Variants in DNASE1 observed in about 807,000 individuals in gnomAD.
The protein encoded by DNASE1 is deoxyribonuclease 1.
In DNASE1, 40 loss-of-function variants were observed where a neutral mutation model predicts 33.9. That is an observed-to-expected ratio of 1.18 (90% CI 0.92 to 1.54). DNASE1 has a LOEUF of 1.54. Among genes scored for constraint, DNASE1 ranks in the 40% most tolerant of loss-of-function variants. The pLI is 0.00. For missense variants in DNASE1, 518 were observed against 372.6 expected (o/e 1.39, Z -3.21); for synonymous variants, 216 against 160.0 (o/e 1.35, Z -2.64).
intron 1 of DNASE1, among the ~76,000 whole-genome samples, chr16:3,631,985 A>G (rs1030605854): frequency 6.6e-6 from 1 of 152,220 alleles, no homozygotes; most frequent in Non-Finnish European, 1.5e-5. Flanking sequence ...TAATTTCAGT[A>G]ACATGCAAAA....
Position 3,655,740 on chromosome 16 carries a change from C to T in DNASE1, c.148-109C>T, listed in dbSNP as rs767820873. 5.5e-5 allele frequency: 81 copies of T among 1,459,868 alleles called. 1 individual carries two copies. Among genetic ancestry groups the T allele is most frequent in the East Asian group, 4.5e-4 (20 of 44,000 alleles). The allele number at this position is 1,459,868 out of a possible 1,614,324, so 90.4% of individuals were successfully genotyped here. ...GAGCCCAGGCAGAAACATGAGGCTG[C>T]GGTTAAACCGAGCAATGCCACGAGC... On this transcript the variant is annotated intron_variant, in intron 2 of 8. Transcript: ENST00000246949.
rs758431188 is a variant in DNASE1, at chr16:3,656,108, A to T, written c.243A>T (p.Ala81=). The change falls in exon 4 of 9, where the codon GCA becomes GCT. Residue 81 remains alanine (A), a synonymous_variant. Transcript: ENST00000246949. Reference sequence around the variant, plus strand: ...TTTTGTTTCTTCAATCCAGGGATGCACCAGACACCTATCACTACGTGGTCA... The same window carrying T: ...TTTTGTTTCTTCAATCCAGGGATGCTCCAGACACCTATCACTACGTGGTCA... ...GKLLDNLNQD[A]PDTYHYVVSE... 1 of 1,614,062 alleles carries T rather than the reference A, an allele frequency of 6.2e-7. No individual in the cohort carries two copies. The highest frequency in any genetic ancestry group is 1.7e-5 in the Admixed American group (1 of 60,022).
intron 1 of DNASE1, among the ~76,000 whole-genome samples, chr16:3,619,576 T>G (rs2041232279): frequency 6.8e-6 from 1 of 147,160 alleles, no homozygotes; most frequent in Non-Finnish European, 1.5e-5. Flanking sequence ...TTAGCCAGGA[T>G]GGTCTCTATC....
chr16:3,624,983 A>G (rs1325929068), intron 1 of DNASE1, among the ~76,000 whole-genome samples: 3 of 152,236 alleles, frequency 2.0e-5, no homozygotes, highest in East Asian at 3.9e-4. Flanking sequence ...GGTGTGAGCC[A>G]TCATGCCCAG....
intron 1 of DNASE1, among the ~76,000 whole-genome samples, chr16:3,621,823 T>G (rs2041324459): frequency 6.6e-6 from 1 of 152,238 alleles, no homozygotes; most frequent in Non-Finnish European, 1.5e-5. Context: ...TATGCAGATT[T>G]GCACATATAT....
upstream of DNASE1, chr16:3,654,360 C>G (rs1489158573): frequency 2.5e-6 from 1 of 398,698 alleles, no homozygotes; most frequent in South Asian, 1.3e-4. Context: ...TCCGAGCTCC[C>G]CAGCCTCCTG....
At chr16:3,656,280 A>G (rs2042612834) in intron 4 of DNASE1, 95 bp downstream of exon 4, 1 of 1,344,114 alleles carries the variant, frequency 7.4e-7, no homozygotes, top group Non-Finnish European at 1.1e-6. Flanking sequence ...GTCCTATGGC[A>G]AGAACCTGAG....
intron 1 of DNASE1, among the ~76,000 whole-genome samples, chr16:3,629,739 T>C (rs1484440428): frequency 1.3e-5 from 2 of 152,226 alleles, no homozygotes. Context: ...TTTTGATTAC[T>C]GATTAAATCT....
At chr16:3,612,858 A>C (rs1035978595) in intron 1 of DNASE1, among the ~76,000 whole-genome samples, 1 of 152,172 alleles carries the variant, frequency 6.6e-6, no homozygotes, top group Non-Finnish European at 1.5e-5. Flanking sequence ...GAGCATAGTC[A>C]AGACGCAGTT....
intron 1 of DNASE1, 136 bp from the exon 2 acceptor site, chr16:3,655,237 A>G: frequency 1.6e-6 from 2 of 1,237,472 alleles, no homozygotes; most frequent in South Asian, 2.8e-5. Flanking sequence ...ACGTTGTAGG[A>G]AAGGGTTTCC....
chr16:3,624,008 G>T (rs984376992), intron 1 of DNASE1, among the ~76,000 whole-genome samples: 8 of 152,254 alleles, frequency 5.3e-5, no homozygotes, highest in African/African-American at 1.9e-4. Context: ...TGGAGGCCAG[G>T]TGCGGTGGCT....
chr16:3,654,329 C>A, upstream of DNASE1: 1 of 398,776 alleles, frequency 2.5e-6, no homozygotes. Flanking sequence ...GCTGGTGCTG[C>A]AGGCCCCCAC....
rs765352781 is a variant in DNASE1 at position 3,656,737 on chromosome 16, C to G, written c.420C>G (p.Phe140Leu). ...ACCGAGAGCCAGCCATTGTCAGGTT[C>G]TTCTCCCGGTTCACAGGTGGGTGCT... ...TFNREPAIVRFFSRFTEVREF... is the reference protein window; with the variant it reads ...TFNREPAIVRLFSRFTEVREF... The change falls in exon 5 of 9, where the codon TTC becomes TTG. Residue 140 changes from phenylalanine (F) to leucine (L), a missense_variant. Physicochemically the swap from Phe to Leu is conservative, Grantham distance 22. Coordinates refer to ENST00000246949, the MANE Select transcript of DNASE1 (RefSeq NM_005223.4). 10 of 1,610,058 alleles carry G rather than the reference C, an allele frequency of 6.2e-6. No homozygotes were observed. Among genetic ancestry groups the G allele is most frequent in the African/African-American group, 5.3e-5 (4 of 74,770 alleles).
chr16:3,657,276 C>T lies in DNASE1; in HGVS notation c.639C>T (p.Thr213=), dbSNP rs947363645. 15 of 1,613,930 alleles carry T rather than the reference C, an allele frequency of 9.3e-6. No homozygotes were observed. The highest frequency in any genetic ancestry group is 1.2e-5 in the Non-Finnish European group (14 of 1,180,036). Residue 213 remains threonine, a synonymous_variant, in exon 7 of 9, where the codon ACC becomes ACT. Coordinates refer to ENST00000246949, the MANE Select transcript of DNASE1 (RefSeq NM_005223.4). Reference sequence around the variant, plus strand: ...CCATCCGCCTGTGGACAAGCCCCACCTTCCAGTGGCTGATCCCCGACAGCG... The same window carrying T: ...CCATCCGCCTGTGGACAAGCCCCACTTTCCAGTGGCTGATCCCCGACAGCG... ...WSSIRLWTSP[T]FQWLIPDSAD...
chr16:3,612,393 G>T (rs1057349482), intron 1 of DNASE1, among the ~76,000 whole-genome samples: 1 of 152,014 alleles, frequency 6.6e-6, no homozygotes, highest in African/African-American at 2.4e-5. Context: ...TGGGATTACA[G>T]GCGCCAGTCA....
At chr16:3,622,854 C>T (rs921895201) in intron 1 of DNASE1, among the ~76,000 whole-genome samples, 1 of 152,180 alleles carries the variant, frequency 6.6e-6, no homozygotes, top group Non-Finnish European at 1.5e-5. Context: ...GTGTTTGACT[C>T]ACCTTTACGT....
intron 1 of DNASE1, among the ~76,000 whole-genome samples, chr16:3,627,302 G>C (rs546645043): frequency 3.3e-4 from 50 of 149,290 alleles, no homozygotes; most frequent in African/African-American, 1.1e-3. Context: ...AGACAGGGTG[G>C]TCTTGCTCTG....
intron 1 of DNASE1, among the ~76,000 whole-genome samples, chr16:3,615,540 C>T (rs1045360646): frequency 3.3e-5 from 5 of 152,066 alleles, no homozygotes; most frequent in East Asian, 1.9e-4. Context: ...GCATTTGAGG[C>T]GGAAACCCAC....
intron 1 of DNASE1, among the ~76,000 whole-genome samples, chr16:3,615,151 A>C (rs2041055854): frequency 6.6e-6 from 1 of 152,008 alleles, no homozygotes; most frequent in Non-Finnish European, 1.5e-5. Context: ...TGAAAGTTTC[A>C]CAGATGATTC....
Sources: gnomAD v4.1 joint callset for allele counts (sites outside exome capture counted in the v4.1 genomes callset) on GRCh38, gnomAD v4.1.1 for gene constraint, MANE v1.5 for transcripts, NCBI Gene and HGNC (gene_info 2026-07-23, HGNC 2026-07-21) for gene names.